RUFY3: variants seen among roughly 807,000 people sequenced by gnomAD.
RUFY3 encodes the protein RUN and FYVE domain containing 3.
A neutral mutation model predicts 84.0 loss-of-function variants in RUFY3; 34 were observed. The ratio of observed to expected loss-of-function variants is 0.40; its 90% CI spans 0.31 to 0.54. The LOEUF is 0.54. Ranked by LOEUF, RUFY3 falls within the 20% of genes least tolerant of loss-of-function variation. The pLI is 0.39. For missense variants in RUFY3, 507 were observed against 736.8 expected (o/e 0.69, Z 3.61); for synonymous variants, 242 against 252.9 (o/e 0.96, Z 0.41).
At chr4:70,746,543 CATA>C (rs1228082979) in intron 1 of RUFY3, among the ~76,000 whole-genome samples, 1 of 151,146 alleles carries the variant, frequency 6.6e-6, no homozygotes, top group East Asian at 1.9e-4. Flanking sequence ...CATGGAAGAC[CATA>C]ATAATTGCAG....
At chr4:70,804,839 C>A (rs1014178629) in intron 17 of RUFY3, among the ~76,000 whole-genome samples, 9 of 151,356 alleles carry the variant, frequency 5.9e-5, no homozygotes, top group Non-Finnish European at 2.9e-5. Context: ...GCAGGAGAAT[C>A]GCTTGAACCC....
Position 70,804,386 on chromosome 4 carries a change from G to A in RUFY3, c.1689G>A (p.Gln563=), listed in dbSNP as rs143585789. Residue 563 remains glutamine, a synonymous_variant, in exon 17 of 18, where the codon CAG becomes CAA. Coordinates refer to ENST00000381006, the MANE Select transcript of RUFY3 (RefSeq NM_001037442.4). ...LLLSEKPQLC[Q]LCQEDGSLTK... The stretch of plus-strand genomic sequence containing the variant: ...TCTCTGAAAAGCCACAGTTGTGTCA[G>A]CTATGCCAGGAAGACGGCAGCCTAA... 4.3e-6 allele frequency: 7 copies of A among 1,613,946 alleles called. No individual in the cohort carries two copies. In the African/African-American group the frequency reaches 9.3e-5, roughly 22 times the overall value.
chr4:70,742,520 C>A (rs1051899168), intron 1 of RUFY3, among the ~76,000 whole-genome samples: 2 of 152,162 alleles, frequency 1.3e-5, no homozygotes, highest in Non-Finnish European at 2.9e-5. Context: ...ACCTGCGAAC[C>A]CTTCAGTCCT....
At chr4:70,795,619 C>T (rs959050671) in intron 14 of RUFY3, among the ~76,000 whole-genome samples, 1 of 152,108 alleles carries the variant, frequency 6.6e-6, no homozygotes, top group Non-Finnish European at 1.5e-5. Context: ...TCAAAAAGAT[C>T]ATGGGAAATG....
intron 1 of RUFY3, among the ~76,000 whole-genome samples, chr4:70,740,916 A>G (rs578071074): frequency 1.3e-5 from 2 of 152,260 alleles, no homozygotes; most frequent in East Asian, 1.9e-4. Context: ...TTACAACATG[A>G]TGTGAATTTA....
chr4:70,797,732 A>G (rs2148814485), intron 14 of RUFY3, among the ~76,000 whole-genome samples: 2 of 152,128 alleles, frequency 1.3e-5, no homozygotes, highest in Middle Eastern at 6.8e-3. Context: ...AATCCCAGCT[A>G]CTCGGGAGGC....
intron 1 of RUFY3, among the ~76,000 whole-genome samples, chr4:70,705,688 G>A (rs908489616): frequency 3.0e-4 from 46 of 152,150 alleles, no homozygotes; most frequent in African/African-American, 1.1e-3. Context: ...AACCTTCCCC[G>A]AAGGAGTCTA....
intron 1 of RUFY3, among the ~76,000 whole-genome samples, chr4:70,750,503 T>C (rs1047442337): frequency 1.3e-5 from 2 of 152,240 alleles, no homozygotes; most frequent in African/African-American, 2.4e-5. Flanking sequence ...CTAAAAACTT[T>C]AGTGGTTTTT....
At chr4:70,780,539 C>G (rs987799018) in intron 8 of RUFY3, among the ~76,000 whole-genome samples, 3 of 152,098 alleles carry the variant, frequency 2.0e-5, no homozygotes, top group East Asian at 1.9e-4. Context: ...GTGATCCACC[C>G]GCCTCGGCCT....
Position 70,722,590 on chromosome 4 carries a change from C to T in RUFY3, c.17C>T (p.Pro6Leu). 2 of 1,613,264 alleles carry T rather than the reference C, an allele frequency of 1.2e-6. No individual in the cohort carries two copies. Among genetic ancestry groups the T allele is most frequent in the Non-Finnish European group, 1.7e-6 (2 of 1,179,854 alleles). ...TGAGTCATCATGTCTGCTCTGACGCCTCCGACCGATATGCCAACCCCCACC... is the reference window on the plus strand; with the variant it reads ...TGAGTCATCATGTCTGCTCTGACGCTTCCGACCGATATGCCAACCCCCACC... MSALTPPTDMPTPTTD... is the reference protein window; with the variant it reads MSALTLPTDMPTPTTD... Residue 6 changes from proline (P) to leucine (L), a missense_variant, in exon 1 of 18, where the codon CCT (proline) becomes CTT (leucine). Coordinates refer to ENST00000381006, the MANE Select transcript of RUFY3 (RefSeq NM_001037442.4).
rs370872030 is a variant in RUFY3, at chr4:70,806,676, C to G, written c.*17C>G. The G allele has an allele frequency of 1.2e-6, 2 of 1,613,778 alleles. No homozygotes were observed. The highest frequency in any genetic ancestry group is 1.7e-6 in the Non-Finnish European group (2 of 1,179,870). On this transcript the variant is annotated 3_prime_UTR_variant, in exon 18 of 18. Coordinates refer to ENST00000381006, the MANE Select transcript of RUFY3 (RefSeq NM_001037442.4). ...CCATCATAAGACTGGAGGCCAAGAC[C>G]TGGACCAAAACGTTTATGCAGGCTC...
intron 1 of RUFY3, chr4:70,734,360 G>A (rs1719936016): frequency 3.1e-6 from 3 of 982,446 alleles, no homozygotes; most frequent in Middle Eastern, 5.3e-4. Context: ...TTGGCCCTTG[G>A]TGAGATTACA....
rs191568007 is a variant in RUFY3, at chr4:70,778,140, A to G, written c.825-229A>G. 2.4e-3 allele frequency among the ~76,000 whole-genome samples: 366 copies of G among 152,286 alleles called. 1 individual carries two copies. The highest frequency in any genetic ancestry group is 8.0e-3 in the African/African-American group (331 of 41,554). On this transcript the variant is annotated intron_variant, in intron 7 of 17. Coordinates refer to ENST00000381006, the MANE Select transcript of RUFY3 (RefSeq NM_001037442.4). ...CTCCAGCTACTTGGGAGACTGAGGC[A>G]AGAGAATCACTTGAACCCAGGAGGC...
At chr4:70,725,103 G>T (rs1207607409) in intron 1 of RUFY3, among the ~76,000 whole-genome samples, 1 of 152,152 alleles carries the variant, frequency 6.6e-6, no homozygotes. Context: ...CTCTTAAAAT[G>T]ATGTAGACTG....
chr4:70,710,694 A>G (rs187995748), intron 1 of RUFY3, among the ~76,000 whole-genome samples: 147 of 152,184 alleles, frequency 9.7e-4, no homozygotes, highest in Non-Finnish European at 1.7e-3. Context: ...AAAGAAAAAG[A>G]AAACAGTATA....
chr4:70,790,609 A>G (rs1399856987), intron 12 of RUFY3, among the ~76,000 whole-genome samples: 1 of 152,206 alleles, frequency 6.6e-6, no homozygotes, highest in Non-Finnish European at 1.5e-5. Context: ...CCATAGCTTC[A>G]TACTCATATC....
At chr4:70,798,746 C>CA (rs1305214806) in intron 14 of RUFY3, among the ~76,000 whole-genome samples, 1 of 152,150 alleles carries the variant, frequency 6.6e-6, no homozygotes, top group Non-Finnish European at 1.5e-5. Context: ...GCAGAGGTTG[C>CA]AGCGAGCCAA....
chr4:70,803,144 C>A (rs1732450469), intron 16 of RUFY3, 161 bp downstream of exon 16: 1 of 525,512 alleles, frequency 1.9e-6, no homozygotes, highest in African/African-American at 1.9e-5. Flanking sequence ...GAAGCTCACA[C>A]AGGAAGTAGC....
At chr4:70,786,247 A>C (rs1444679025) in intron 10 of RUFY3, among the ~76,000 whole-genome samples, 3 of 152,180 alleles carry the variant, frequency 2.0e-5, no homozygotes, top group Non-Finnish European at 4.4e-5. Context: ...GAGGGAGAGG[A>C]GGCAGGGGAT....
Sources: gnomAD v4.1 joint callset for allele counts (sites outside exome capture counted in the v4.1 genomes callset) on GRCh38, gnomAD v4.1.1 for gene constraint, MANE v1.5 for transcripts, NCBI Gene and HGNC (gene_info 2026-07-23, HGNC 2026-07-21) for gene names.